The following RAPH1 variants were observed in gnomAD, a reference collection of about 807,000 sequenced individuals.
RAPH1 encodes the protein Ras association (RalGDS/AF-6) and pleckstrin homology domains 1.
RAPH1 carries 18 observed loss-of-function variants against 88.1 expected under a neutral mutation model. That is an observed-to-expected ratio of 0.20 (90% confidence interval 0.14 to 0.30). The LOEUF (loss-of-function observed/expected upper bound fraction) is 0.30, where lower values mean the gene tolerates loss of function less well. Among genes scored for constraint, RAPH1 ranks in the 10% least tolerant of loss-of-function variants. The probability of loss-of-function intolerance (pLI) is 1.00; values close to 1 mark genes in which losing one functional copy is unlikely to be tolerated. For missense variants in RAPH1, 1,448 were observed against 1,543.2 expected (o/e 0.94, Z 1.03); for synonymous variants, 587 against 559.0 (o/e 1.05, Z -0.71).
At chr2:203,458,724 G>A (rs1438930718) in intron 7 of RAPH1, among the ~76,000 whole-genome samples, 1 of 152,000 alleles carries the variant, frequency 6.6e-6, no homozygotes, top group Non-Finnish European at 1.5e-5. Context: ...CACAGATGCA[G>A]AACCCATGGA....
chr2:203,490,086 G>A lies in RAPH1; in HGVS notation c.230C>T (p.Ala77Val), dbSNP rs1422731587. 4 of 1,601,754 alleles carry A rather than the reference G, an allele frequency of 2.5e-6. No homozygotes were observed. In the Admixed American group the frequency reaches 5.2e-5, roughly 21 times the overall value. ...ATCCACAGTCTCTCCCTGATTCAGA[G>A]CTTCTGCAATGAACAACACATAATG... ...YRFSIYNLNEALNQGETVDLD... is the reference protein window; with the variant it reads ...YRFSIYNLNEVLNQGETVDLD... Residue 77 changes from alanine (A) to valine (V), a missense_variant, in exon 4 of 14, where the codon GCT becomes GTT. Transcript: ENST00000319170.
At chr2:203,487,663 G>A (rs192287460) in intron 4 of RAPH1, among the ~76,000 whole-genome samples, 4 of 152,270 alleles carry the variant, frequency 2.6e-5, no homozygotes, top group Admixed American at 2.0e-4. Flanking sequence ...GGGATTACAG[G>A]TGTGAGCCAC....
At chr2:203,481,530 C>T (rs1468056961) in intron 4 of RAPH1, among the ~76,000 whole-genome samples, 3 of 145,442 alleles carry the variant, frequency 2.1e-5, no homozygotes, top group East Asian at 2.1e-4. Flanking sequence ...AAAACTATTT[C>T]TTTTTGTTTT....
intron 9 of RAPH1, among the ~76,000 whole-genome samples, chr2:203,454,903 TGTAAA>T (rs1194527525): frequency 2.6e-5 from 4 of 152,162 alleles, no homozygotes; most frequent in African/African-American, 9.7e-5. Context: ...ATAATGCATA[TGTAAA>T]GTATAGTGAT....
intron 1 of RAPH1, among the ~76,000 whole-genome samples, chr2:203,511,686 TTTA>T (rs1218055454): frequency 4.9e-4 from 75 of 152,276 alleles, no homozygotes; most frequent in Middle Eastern, 3.4e-3. Flanking sequence ...CTCTACCTTC[TTTA>T]CATTTCCATT....
At chr2:203,514,296 T>G (rs946708222) in intron 1 of RAPH1, among the ~76,000 whole-genome samples, 22 of 152,236 alleles carry the variant, frequency 1.4e-4, no homozygotes, top group African/African-American at 4.1e-4. Flanking sequence ...TCAAATGAAG[T>G]CTCAGGAGTT....
At chr2:203,476,920 T>C (rs1687481402) in intron 4 of RAPH1, among the ~76,000 whole-genome samples, 1 of 152,230 alleles carries the variant, frequency 6.6e-6, no homozygotes, top group Admixed American at 6.5e-5. Context: ...AGTTGTACCA[T>C]ATCTAAAGTT....
intron 4 of RAPH1, among the ~76,000 whole-genome samples, chr2:203,474,661 ACT>A (rs1269911902): frequency 6.6e-5 from 10 of 152,320 alleles, no homozygotes; most frequent in Admixed American, 2.6e-4. Context: ...GGCAGTGTAC[ACT>A]CTGTCACATG....
At chr2:203,507,305 C>T (rs1450810371) in intron 1 of RAPH1, among the ~76,000 whole-genome samples, 1 of 151,980 alleles carries the variant, frequency 6.6e-6, no homozygotes, top group Non-Finnish European at 1.5e-5. Flanking sequence ...AAAAAATCAC[C>T]ATTTTGCAAC....
intron 2 of RAPH1, 134 bp downstream of exon 2, chr2:203,495,100 T>C: frequency 1.1e-6 from 1 of 910,720 alleles, no homozygotes. Flanking sequence ...CATTTACTTG[T>C]CAATACTTCG....
chr2:203,497,158 T>C (rs1197645292), intron 1 of RAPH1, among the ~76,000 whole-genome samples: 1 of 152,234 alleles, frequency 6.6e-6, no homozygotes, highest in Admixed American at 6.5e-5. Flanking sequence ...AGTACTTTGT[T>C]CTTCCACTCT....
intron 1 of RAPH1, among the ~76,000 whole-genome samples, chr2:203,512,869 C>T (rs1689416234): frequency 6.6e-6 from 1 of 152,026 alleles, no homozygotes; most frequent in African/African-American, 2.4e-5. Context: ...GGTGATCCGC[C>T]CACCTTGGTC....
Position 203,433,747 on chromosome 2 carries a change from T to G in RAPH1, c.*5690A>C, listed in dbSNP as rs953253332. 6.6e-6 allele frequency: 1 copy of G among 152,322 alleles called. No homozygotes were observed. Among genetic ancestry groups the G allele is most frequent in the Admixed American group, 6.5e-5 (1 of 15,286 alleles). The allele number at this position is 152,322 out of a possible 1,614,324, so 9.4% of individuals were successfully genotyped here. ...TTCTGTGTATGGCCTATGTTTTGGG[T>G]ACCCTGACATGAAATGCAAAACCAG... On this transcript the variant is annotated 3_prime_UTR_variant, in exon 14 of 14. Transcript: ENST00000319170.
chr2:203,448,012 G>A lies in RAPH1; in HGVS notation c.1580C>T (p.Thr527Ile). The change falls in exon 12 of 14, where the codon ACT (threonine) becomes ATT (isoleucine). Residue 527 changes from threonine to isoleucine, a missense_variant. Coordinates refer to ENST00000319170, the MANE Select transcript of RAPH1 (RefSeq NM_213589.3). The surrounding 1 kb of genome is among the most constrained non-coding windows in gnomAD (Gnocchi z 4.1). ...LKRTESAYDW[T>I]SLSSSSIKSG... ...TTTAATGCTGGAGCTGGATAAGGAA[G>A]TCCAATCATAGGCTGACTCTGTCCT... The A allele has an allele frequency of 1.2e-6, 2 of 1,613,912 alleles. No individual in the cohort carries two copies. The highest frequency in any genetic ancestry group is 1.7e-6 in the Non-Finnish European group (2 of 1,179,874).
intron 3 of RAPH1, 137 bp downstream of exon 3, chr2:203,491,077 A>C: frequency 1.9e-6 from 1 of 530,300 alleles, no homozygotes; most frequent in Non-Finnish European, 3.2e-6. Context: ...AGAAAAGAAA[A>C]AAGAAATTTA....
chr2:203,490,622 G>T (rs1228236307), intron 3 of RAPH1, among the ~76,000 whole-genome samples: 1 of 152,192 alleles, frequency 6.6e-6, no homozygotes, highest in Non-Finnish European at 1.5e-5. Context: ...AATTAAGTTT[G>T]CTGTGGGGTT....
intron 1 of RAPH1, among the ~76,000 whole-genome samples, chr2:203,502,676 C>T (rs527513560): frequency 5.6e-4 from 84 of 150,936 alleles, no homozygotes; most frequent in Admixed American, 1.4e-3. Flanking sequence ...AAAAATTAGC[C>T]GGGTGTGGTG....
chr2:203,441,734 CTT>C, intron 13 of RAPH1: 1 of 1,284,626 alleles, frequency 7.8e-7, no homozygotes, highest in South Asian at 2.4e-5. Context: ...GGCTGTATGA[CTT>C]TGACACAGCC....
At chr2:203,458,470 T>A (rs944204313) in intron 7 of RAPH1, among the ~76,000 whole-genome samples, 1 of 152,200 alleles carries the variant, frequency 6.6e-6, no homozygotes, top group Non-Finnish European at 1.5e-5. Flanking sequence ...CTCCCCTGTA[T>A]ACCAAAATCT....
Sources: gnomAD v4.1 joint callset for allele counts (sites outside exome capture counted in the v4.1 genomes callset) on GRCh38, gnomAD v4.1.1 for gene constraint, Gnocchi (gnomAD v3.1) non-coding constraint, MANE v1.5 for transcripts, NCBI Gene and HGNC (gene_info 2026-07-23, HGNC 2026-07-21) for gene names.